The following COP1 variants were observed in gnomAD, a reference collection of about 807,000 sequenced individuals.
COP1 encodes the protein COP1 E3 ubiquitin ligase, also known as E3 ubiquitin-protein ligase COP1.
Under a neutral mutation model 101.3 loss-of-function variants are expected in COP1, and 24 were observed. The ratio of observed to expected loss-of-function variants is 0.24; its 90% CI spans 0.17 to 0.33. The LOEUF is 0.33. Among genes scored for constraint, COP1 ranks in the 10% least tolerant of loss-of-function variants. The pLI is 1.00. For missense variants in COP1, 663 were observed against 906.2 expected, an observed-to-expected ratio of 0.73 and a Z score of 3.45; for synonymous variants, 347 against 341.9, an observed-to-expected ratio of 1.01 and a Z score of -0.17.
At chr1:175,950,798 T>C (rs912644720) in intron 18 of COP1, among the ~76,000 whole-genome samples, 58 of 152,298 alleles carry the variant, frequency 3.8e-4, no homozygotes, top group African/African-American at 1.3e-3. Context: ...ACAGAAGACA[T>C]ATAAACATGC....
chr1:176,068,236 C>T (rs77354627), intron 11 of COP1, among the ~76,000 whole-genome samples: 4,368 of 152,238 alleles, frequency 0.029, 140 homozygotes, highest in South Asian at 0.14. Context: ...CCTTCTCTCC[C>T]TGCCTGCTTT....
intron 9 of COP1, among the ~76,000 whole-genome samples, chr1:176,114,238 C>T (rs999161096): frequency 6.6e-6 from 1 of 152,022 alleles, no homozygotes; most frequent in South Asian, 2.1e-4. Flanking sequence ...TACAAAAAGA[C>T]TTGAATCTGG....
chr1:176,136,877 G>T (rs1689884344), intron 6 of COP1, among the ~76,000 whole-genome samples: 1 of 151,732 alleles, frequency 6.6e-6, no homozygotes, highest in South Asian at 2.1e-4. Context: ...TCATTTAGTT[G>T]TTAAACAGAA....
intron 15 of COP1, among the ~76,000 whole-genome samples, chr1:175,993,736 C>G (rs368899778): frequency 1.6e-4 from 24 of 152,140 alleles, no homozygotes; most frequent in East Asian, 9.6e-4. Flanking sequence ...AAGAAATATG[C>G]GACTATGTGA....
chr1:175,955,865 A>C (rs972769741), intron 18 of COP1, among the ~76,000 whole-genome samples: 3 of 151,756 alleles, frequency 2.0e-5, no homozygotes, highest in African/African-American at 7.3e-5. Context: ...AAATAAATTG[A>C]CAGTTATACC....
Position 176,046,301 on chromosome 1 carries a change from T to A in COP1, c.1301A>T (p.Asp434Val). Residue 434 changes from aspartate (D) to valine (V), a missense_variant, in exon 12 of 20, where the codon GAC (aspartate) becomes GTC (valine). By Grantham distance (152) the Asp-to-Val change is radical (BLOSUM62 -3). Around this residue, in one of 4 missense-constraint regions of COP1, gnomAD observed 209 missense variants for 383.3 expected, o/e 0.55. Coordinates refer to ENST00000367669, the MANE Select transcript of COP1 (RefSeq NM_022457.7). ...TGTAACTCCAGCAATCGCAAAATAG[T>A]CACAATCCCGGTCAAATTCAATACT... ...VSSIEFDRDC[D>V]YFAIAGVTKK... The A allele has an allele frequency of 6.2e-7, 1 of 1,609,644 alleles. No homozygotes were observed. Among genetic ancestry groups the A allele is most frequent in the South Asian group, 1.1e-5 (1 of 90,094 alleles).
chr1:175,966,724 T>C (rs1228549945), intron 18 of COP1, among the ~76,000 whole-genome samples: 1 of 152,206 alleles, frequency 6.6e-6, no homozygotes, highest in Non-Finnish European at 1.5e-5. Flanking sequence ...TACATTACAT[T>C]TCAAATGTCA....
chr1:176,134,573 T>C (rs752137741), intron 8 of COP1, among the ~76,000 whole-genome samples: 5 of 152,006 alleles, frequency 3.3e-5, no homozygotes, highest in Non-Finnish European at 7.4e-5. Context: ...AACAGATCTG[T>C]CTACTGCCCT....
At chr1:176,011,082 T>G (rs1361754971) in intron 15 of COP1, among the ~76,000 whole-genome samples, 1 of 152,188 alleles carries the variant, frequency 6.6e-6, no homozygotes, top group East Asian at 1.9e-4. Context: ...TTTTAGTTTA[T>G]CTCAGTTTTA....
intron 11 of COP1, among the ~76,000 whole-genome samples, chr1:176,080,106 G>T (rs555081558): frequency 6.6e-6 from 1 of 151,918 alleles, no homozygotes; most frequent in African/African-American, 2.4e-5. Context: ...GAAATTAAAA[G>T]GTATTTTGAT....
intron 8 of COP1, among the ~76,000 whole-genome samples, chr1:176,122,899 T>C (rs1687383953): frequency 6.6e-6 from 1 of 152,198 alleles, no homozygotes; most frequent in African/African-American, 2.4e-5. Context: ...GCTTTATCAC[T>C]TTTGGAAGTA....
At chr1:176,096,378 G>A (rs1682372988) in intron 9 of COP1, among the ~76,000 whole-genome samples, 1 of 152,108 alleles carries the variant, frequency 6.6e-6, no homozygotes, top group Non-Finnish European at 1.5e-5. Context: ...TGGGCGAATG[G>A]CAGCTCCCCA....
At chr1:176,079,372 G>A (rs1026035599) in intron 11 of COP1, among the ~76,000 whole-genome samples, 15 of 152,138 alleles carry the variant, frequency 9.9e-5, no homozygotes, top group African/African-American at 3.6e-4. Context: ...GTGAATTAAT[G>A]CAAGAACAGA....
intron 10 of COP1, among the ~76,000 whole-genome samples, chr1:176,084,949 T>C (rs928882992): frequency 1.3e-5 from 2 of 152,092 alleles, no homozygotes; most frequent in African/African-American, 4.8e-5. Context: ...TTGTATCTTA[T>C]ATATGTCACT....
intron 18 of COP1, among the ~76,000 whole-genome samples, chr1:175,950,882 A>C (rs931557364): frequency 2.6e-5 from 4 of 151,732 alleles, no homozygotes; most frequent in Non-Finnish European, 5.9e-5. Context: ...TAGGCTAGTG[A>C]AGAAAACCTG....
At chr1:176,192,336 A>T (rs1370728937) in intron 1 of COP1, among the ~76,000 whole-genome samples, 1 of 152,190 alleles carries the variant, frequency 6.6e-6, no homozygotes, top group Non-Finnish European at 1.5e-5. Flanking sequence ...TGAAACAATT[A>T]GGAGAATCCT....
chr1:176,025,341 A>G (rs999666649), intron 15 of COP1, among the ~76,000 whole-genome samples: 2 of 152,090 alleles, frequency 1.3e-5, no homozygotes, highest in African/African-American at 4.8e-5. Context: ...GCAGATATCA[A>G]GTATAAACAG....
chr1:176,122,918 C>T (rs1209162865), intron 8 of COP1, among the ~76,000 whole-genome samples: 1 of 152,076 alleles, frequency 6.6e-6, no homozygotes, highest in African/African-American at 2.4e-5. Context: ...TAAACTACTT[C>T]GGTTGGTAGA....
chr1:176,138,792 A>T (rs1161376416), intron 6 of COP1, among the ~76,000 whole-genome samples: 1 of 152,128 alleles, frequency 6.6e-6, no homozygotes, highest in Admixed American at 6.6e-5. Context: ...TAAACATCCC[A>T]GTTATTCTCC....
Sources: allele counts gnomAD v4.1 joint callset (sites outside exome capture counted in the v4.1 genomes callset), GRCh38; gene constraint gnomAD v4.1.1; regional missense constraint gnomAD v4.1.1; transcripts MANE v1.5; gene names NCBI Gene and HGNC (gene_info 2026-07-23, HGNC 2026-07-21).